The following SGCZ variants were observed in gnomAD, a reference collection of about 807,000 sequenced individuals.
The protein encoded by SGCZ is zeta-sarcoglycan.
Under a neutral mutation model 41.3 loss-of-function variants are expected in SGCZ, and 40 were observed. The ratio of observed to expected loss-of-function variants is 0.97; its 90% CI spans 0.75 to 1.26. The LOEUF is 1.26. Ranked by LOEUF, SGCZ falls within the 50% of genes most tolerant of loss-of-function variation. SGCZ has a pLI of 0.00. For missense variants in SGCZ, 552 were observed against 369.8 expected (o/e 1.49, Z -4.04); for synonymous variants, 206 against 137.5 (o/e 1.50, Z -3.49).
intron 2 of SGCZ, among the ~76,000 whole-genome samples, chr8:14,506,417 C>T (rs1240562362): frequency 6.6e-6 from 1 of 152,042 alleles, no homozygotes; most frequent in Non-Finnish European, 1.5e-5. Flanking sequence ...ATCATTTCCC[C>T]TCTCTACGGT....
intron 5 of SGCZ, among the ~76,000 whole-genome samples, chr8:14,133,664 AT>A (rs373626106): frequency 4.0e-5 from 6 of 151,862 alleles, no homozygotes; most frequent in African/African-American, 9.7e-5. Flanking sequence ...CTTTTTTACT[AT>A]TTTTTTTAAT....
chr8:14,383,591 G>T lies in SGCZ; in HGVS notation c.235-59387C>A, dbSNP rs565459332. ...GAACATGTGAATTAAATGTTAAGGT[G>T]CTCCCAGGAGGTAAAGATCACTTCA... On this transcript the variant is annotated intron_variant, in intron 2 of 7. Coordinates refer to ENST00000382080, the MANE Select transcript of SGCZ (RefSeq NM_139167.4). Among the ~76,000 whole-genome samples, 39 of 152,306 alleles carry T rather than the reference G, an allele frequency of 2.6e-4. No homozygotes were observed. In the East Asian group the frequency reaches 7.1e-3, roughly 28 times the overall value.
chr8:14,270,851 T>C (rs979501618), intron 3 of SGCZ, among the ~76,000 whole-genome samples: 2 of 152,166 alleles, frequency 1.3e-5, no homozygotes, highest in Non-Finnish European at 2.9e-5. Flanking sequence ...ATATACACCA[T>C]GGAATACTAT....
At chr8:14,480,683 T>G (rs185894621) in intron 2 of SGCZ, among the ~76,000 whole-genome samples, 26 of 152,230 alleles carry the variant, frequency 1.7e-4, no homozygotes, top group Admixed American at 3.3e-4. Context: ...TACATAGATA[T>G]AAACTTCTTG....
At chr8:14,471,226 T>C (rs1801204458) in intron 2 of SGCZ, among the ~76,000 whole-genome samples, 3 of 152,178 alleles carry the variant, frequency 2.0e-5, no homozygotes, top group Admixed American at 2.0e-4. Context: ...ATATAGACAA[T>C]CTGTGTCATT....
At chr8:14,788,176 G>C (rs1184663648) in intron 1 of SGCZ, among the ~76,000 whole-genome samples, 4 of 151,962 alleles carry the variant, frequency 2.6e-5, no homozygotes, top group Non-Finnish European at 5.9e-5. Flanking sequence ...CCTTTCCCTG[G>C]GGATAAAGGA....
chr8:15,136,545 G>C (rs559801040), intron 1 of SGCZ, among the ~76,000 whole-genome samples: 23 of 152,178 alleles, frequency 1.5e-4, no homozygotes, highest in African/African-American at 5.3e-4. Context: ...TAATCCTCAG[G>C]TGTCATGGGA....
intron 2 of SGCZ, among the ~76,000 whole-genome samples, chr8:14,540,658 T>C (rs1337217350): frequency 6.6e-6 from 1 of 151,978 alleles, no homozygotes; most frequent in South Asian, 2.1e-4. Flanking sequence ...AATTTCATAA[T>C]GTCCTTATGT....
rs139647742 is a variant in SGCZ, at chr8:15,131,655, C to T, written c.39+105930G>A. Among the ~76,000 whole-genome samples the T allele has an allele frequency of 1.3e-3, 193 of 152,238 alleles. 1 individual carries two copies. Among genetic ancestry groups the T allele is most frequent in the African/African-American group, 3.7e-3 (155 of 41,542 alleles). ...TCTGTGAGTCAGCTAAGTATGTTAG[C>T]GCGGCATCTTCTCAAGGAAAAGTTT... On this transcript the variant is annotated intron_variant, in intron 1 of 7. Coordinates refer to ENST00000382080, the MANE Select transcript of SGCZ (RefSeq NM_139167.4).
chr8:14,757,539 G>A (rs949753811), intron 1 of SGCZ, among the ~76,000 whole-genome samples: 1 of 152,102 alleles, frequency 6.6e-6, no homozygotes, highest in Non-Finnish European at 1.5e-5. Flanking sequence ...TCCTGCAACA[G>A]AAATCTTTCC....
intron 4 of SGCZ, among the ~76,000 whole-genome samples, chr8:14,183,419 T>G (rs1804796033): frequency 6.6e-6 from 1 of 152,108 alleles, no homozygotes; most frequent in Admixed American, 6.6e-5. Flanking sequence ...TAGTAGAATT[T>G]TGCCACAAAA....
At chr8:14,202,423 T>C (rs1026446099) in intron 4 of SGCZ, among the ~76,000 whole-genome samples, 6 of 152,112 alleles carry the variant, frequency 3.9e-5, no homozygotes, top group African/African-American at 1.4e-4. Context: ...ACTAAGTTTG[T>C]GGTAATTTGT....
intron 1 of SGCZ, among the ~76,000 whole-genome samples, chr8:15,020,611 T>C (rs192479162): frequency 2.1e-4 from 32 of 152,302 alleles, no homozygotes; most frequent in Admixed American, 2.0e-3. Flanking sequence ...AATTCTATTA[T>C]AGTGCAGGAA....
At chr8:14,953,546 G>A (rs894385362) in intron 1 of SGCZ, among the ~76,000 whole-genome samples, 3 of 152,148 alleles carry the variant, frequency 2.0e-5, no homozygotes, top group African/African-American at 7.2e-5. Flanking sequence ...TGTTAGCACT[G>A]CCGTAGCCAT....
chr8:15,038,984 G>A (rs904579959), intron 1 of SGCZ, among the ~76,000 whole-genome samples: 4 of 152,060 alleles, frequency 2.6e-5, no homozygotes, highest in South Asian at 4.1e-4. Flanking sequence ...AAAGATAAAC[G>A]TTGGTGAGAA....
chr8:15,226,016 C>T (rs946514877), intron 1 of SGCZ, among the ~76,000 whole-genome samples: 17 of 152,264 alleles, frequency 1.1e-4, no homozygotes, highest in African/African-American at 4.1e-4. Context: ...GCTATGATGA[C>T]TAAGTAACTT....
At chr8:14,458,559 G>C (rs553007114) in intron 2 of SGCZ, among the ~76,000 whole-genome samples, 48 of 152,312 alleles carry the variant, frequency 3.2e-4, no homozygotes, top group African/African-American at 1.2e-3. Flanking sequence ...TGGATTCTAA[G>C]TAGAGTTGTC....
intron 2 of SGCZ, among the ~76,000 whole-genome samples, chr8:14,361,144 C>A (rs1197186194): frequency 6.6e-6 from 1 of 152,102 alleles, no homozygotes; most frequent in East Asian, 1.9e-4. Flanking sequence ...CTTTGTTAAG[C>A]TGCTGAGTTT....
At chr8:14,527,548 T>A (rs995325663) in intron 2 of SGCZ, among the ~76,000 whole-genome samples, 9 of 150,946 alleles carry the variant, frequency 6.0e-5, no homozygotes, top group East Asian at 2.0e-4. Context: ...TCACCTTTTT[T>A]TAAAAAAACA....
Sources: allele counts gnomAD v4.1 joint callset (sites outside exome capture counted in the v4.1 genomes callset), GRCh38; gene constraint gnomAD v4.1.1; transcripts MANE v1.5; gene names NCBI Gene and HGNC (gene_info 2026-07-23, HGNC 2026-07-21).